The following GPC6 variants were observed in gnomAD, a reference collection of about 807,000 sequenced individuals.
The protein encoded by GPC6 is glypican 6, also known as glypican-6.
GPC6 carries 14 observed loss-of-function variants against 55.2 expected under a neutral mutation model. The observed-to-expected ratio is 0.25, with a 90% CI of 0.17 to 0.40. GPC6 has a LOEUF of 0.40. Ranked by LOEUF, GPC6 falls within the 10% of genes least tolerant of loss-of-function variation. GPC6 has a pLI of 1.00. For missense variants in GPC6, 641 were observed against 708.5 expected, an observed-to-expected ratio of 0.90 and a Z score of 1.08; for synonymous variants, 278 against 259.6, an observed-to-expected ratio of 1.07 and a Z score of -0.68.
chr13:93,862,626 T>C (rs558935138), intron 3 of GPC6, among the ~76,000 whole-genome samples: 8 of 151,702 alleles, frequency 5.3e-5, no homozygotes, highest in African/African-American at 1.4e-4. Flanking sequence ...CCACCACATA[T>C]AAGAAAGTAG....
chr13:93,527,962 T>A (rs1057223851), intron 1 of GPC6, among the ~76,000 whole-genome samples: 1 of 152,188 alleles, frequency 6.6e-6, no homozygotes, highest in East Asian at 1.9e-4. Flanking sequence ...CTCTATGTGA[T>A]ATGATCAGTG....
intron 3 of GPC6, among the ~76,000 whole-genome samples, chr13:93,937,298 A>G (rs2140359596): frequency 2.6e-5 from 4 of 152,264 alleles, no homozygotes; most frequent in Admixed American, 2.6e-4. Context: ...TGAAAAGAAA[A>G]TTTCAAGGGA....
rs1026000774 is a variant in GPC6 at position 94,164,797 on chromosome 13, A to AT, written c.878-121542dup. ...CTCCAAATGAAGTGAAAATAAATTG[A>AT]TTTTTTTTTTACAAAATAAACTAAC... On this transcript the variant is annotated intron_variant, in intron 4 of 8. Transcript: ENST00000377047. 3.1e-3 allele frequency among the ~76,000 whole-genome samples: 464 copies of AT among 150,640 alleles called. 2 individuals carry two copies. The highest frequency in any genetic ancestry group is 9.4e-3 in the African/African-American group (388 of 41,098).
In GPC6 at chr13:93,241,434, T is replaced by A. The variant is rs1360655227; in HGVS notation, c.160+13818T>A. On this transcript the variant is annotated intron_variant, in intron 1 of 8. Coordinates refer to ENST00000377047, the MANE Select transcript of GPC6 (RefSeq NM_005708.5). ...TCTTTTGCTTGGTCTAGTCTCTTGGTAAAACTTTTCACTGCATTTTGTAAC... is the reference window on the plus strand; with the variant it reads ...TCTTTTGCTTGGTCTAGTCTCTTGGAAAAACTTTTCACTGCATTTTGTAAC... Among the ~76,000 whole-genome samples the A allele has an allele frequency of 2.6e-5, 4 of 152,326 alleles. No individual in the cohort carries two copies. The East Asian group carries it at 7.7e-4, about 29-fold the overall frequency.
intron 4 of GPC6, among the ~76,000 whole-genome samples, chr13:94,171,538 A>G (rs943955782): frequency 6.6e-6 from 1 of 152,182 alleles, no homozygotes; most frequent in Admixed American, 6.5e-5. Context: ...AAAAGAACAA[A>G]TGCCTCCTAG....
intron 2 of GPC6, among the ~76,000 whole-genome samples, chr13:93,644,916 T>C (rs568191904): frequency 6.6e-6 from 1 of 152,244 alleles, no homozygotes; most frequent in African/African-American, 2.4e-5. Context: ...ACCCACTGAT[T>C]AAACACACAG....
intron 2 of GPC6, among the ~76,000 whole-genome samples, chr13:93,816,529 T>TA (rs1320563369): frequency 1.3e-5 from 2 of 151,956 alleles, no homozygotes; most frequent in East Asian, 1.9e-4. Flanking sequence ...TTTATGCTTT[T>TA]TTTTTTTTCA....
intron 4 of GPC6, among the ~76,000 whole-genome samples, chr13:94,048,261 G>T (rs1883801740): frequency 6.6e-6 from 1 of 151,936 alleles, no homozygotes. Context: ...AGGAATGAAG[G>T]GTTATAAATA....
intron 1 of GPC6, among the ~76,000 whole-genome samples, chr13:93,296,130 A>T (rs1029801168): frequency 4.6e-5 from 7 of 152,188 alleles, no homozygotes; most frequent in Non-Finnish European, 7.3e-5. Context: ...TTCAGCCTGT[A>T]GCACTTCTCT....
chr13:93,293,778 G>A (rs1215278632), intron 1 of GPC6, among the ~76,000 whole-genome samples: 1 of 152,032 alleles, frequency 6.6e-6, no homozygotes, highest in East Asian at 1.9e-4. Context: ...CATGTAATTA[G>A]TACACAGAGT....
chr13:93,934,360 A>G (rs1004163964), intron 3 of GPC6, among the ~76,000 whole-genome samples: 1 of 152,218 alleles, frequency 6.6e-6, no homozygotes, highest in Non-Finnish European at 1.5e-5. Context: ...TATTGAAATG[A>G]TAATATTTTG....
intron 2 of GPC6, among the ~76,000 whole-genome samples, chr13:93,755,156 G>A (rs1255859793): frequency 6.6e-6 from 1 of 152,054 alleles, no homozygotes; most frequent in Admixed American, 6.6e-5. Flanking sequence ...AAATATTTTT[G>A]CCATTTGAAG....
intron 2 of GPC6, among the ~76,000 whole-genome samples, chr13:93,780,583 G>A (rs1429806541): frequency 7.6e-6 from 1 of 131,030 alleles, no homozygotes; most frequent in East Asian, 2.4e-4. Flanking sequence ...TATGGTTCAC[G>A]ATCACAAAAA....
At chr13:93,539,736 G>A (rs1470048486) in intron 1 of GPC6, among the ~76,000 whole-genome samples, 8 of 148,496 alleles carry the variant, frequency 5.4e-5, no homozygotes, top group Non-Finnish European at 8.9e-5. Context: ...TTGTTGTCCA[G>A]GCTAGAGTGC....
At chr13:93,938,561 G>A (rs565244207) in intron 3 of GPC6, among the ~76,000 whole-genome samples, 4 of 151,970 alleles carry the variant, frequency 2.6e-5, no homozygotes, top group Admixed American at 1.3e-4. Context: ...AAGATTTTTC[G>A]GACACAATAA....
chr13:94,334,300 A>C (rs1877569987), intron 6 of GPC6, among the ~76,000 whole-genome samples: 1 of 152,192 alleles, frequency 6.6e-6, no homozygotes, highest in South Asian at 2.1e-4. Flanking sequence ...GCTGGAGACC[A>C]CTGTTTGCTG....
At chr13:93,528,614 A>G (rs1881742286) in intron 1 of GPC6, among the ~76,000 whole-genome samples, 1 of 152,230 alleles carries the variant, frequency 6.6e-6, no homozygotes, top group Admixed American at 6.5e-5. Context: ...AGGACTAAAA[A>G]CATCTTTGGA....
At chr13:93,426,389 C>A (rs1326463475) in intron 1 of GPC6, among the ~76,000 whole-genome samples, 1 of 126,118 alleles carries the variant, frequency 7.9e-6, no homozygotes, top group Non-Finnish European at 1.6e-5. Flanking sequence ...CTTCCCCCTC[C>A]CCCCACCCCA....
chr13:94,032,360 G>T (rs898560485), intron 4 of GPC6, among the ~76,000 whole-genome samples: 5 of 152,132 alleles, frequency 3.3e-5, no homozygotes, highest in Non-Finnish European at 7.4e-5. Context: ...AGTCAGCGGG[G>T]AGTCAGAGAA....
Sources: allele counts gnomAD v4.1 joint callset (sites outside exome capture counted in the v4.1 genomes callset), GRCh38; gene constraint gnomAD v4.1.1; transcripts MANE v1.5; gene names NCBI Gene and HGNC (gene_info 2026-07-23, HGNC 2026-07-21).